FNDC3B: variants seen among roughly 807,000 people sequenced by gnomAD.
FNDC3B encodes the protein fibronectin type III domain containing 3B.
Under a neutral mutation model 151.5 loss-of-function variants are expected in FNDC3B, and 12 were observed. That is an observed-to-expected ratio of 0.08 (90% confidence interval 0.05 to 0.13). The LOEUF is 0.13. Ranked by LOEUF, FNDC3B falls within the 10% of genes least tolerant of loss-of-function variation. The pLI, the probability that FNDC3B is intolerant of heterozygous loss-of-function variation, is 1.00. For missense variants in FNDC3B, 1,214 were observed against 1,505.3 expected (o/e 0.81, Z 3.20); for synonymous variants, 528 against 549.0 (o/e 0.96, Z 0.54).
At chr3:172,307,597 G>A (rs1276286543) in intron 10 of FNDC3B, 96 bp downstream of exon 10, 2 of 1,270,206 alleles carry the variant, frequency 1.6e-6, no homozygotes, top group African/African-American at 1.5e-5. Context: ...GGAGGCTGAG[G>A]AGGGGGGATC....
At chr3:172,176,450 T>G (rs1723598078) in intron 3 of FNDC3B, among the ~76,000 whole-genome samples, 1 of 152,248 alleles carries the variant, frequency 6.6e-6, no homozygotes, top group African/African-American at 2.4e-5. Context: ...ATTCATAAAG[T>G]ATTTTTGTTA....
At chr3:172,221,210 C>T (rs1365514188) in intron 3 of FNDC3B, among the ~76,000 whole-genome samples, 2 of 151,984 alleles carry the variant, frequency 1.3e-5, no homozygotes, top group Admixed American at 6.6e-5. Context: ...ATTTTCTATA[C>T]GTTGGGATAT....
intron 1 of FNDC3B, among the ~76,000 whole-genome samples, chr3:172,049,345 T>C (rs561720254): frequency 1.3e-5 from 2 of 152,214 alleles, no homozygotes; most frequent in African/African-American, 4.8e-5. Flanking sequence ...TGTTTAAAAG[T>C]AGATCTCTGG....
At chr3:172,335,170 CA>C in intron 15 of FNDC3B, 88 bp downstream of exon 15, 16 of 1,369,084 alleles carry the variant, frequency 1.2e-5, no homozygotes, top group South Asian at 3.3e-5. Context: ...AGTGACAAGC[CA>C]AAAAAATTGT....
chr3:172,159,849 C>CT, intron 3 of FNDC3B, among the ~76,000 whole-genome samples: 1 of 152,206 alleles, frequency 6.6e-6, no homozygotes, highest in Non-Finnish European at 1.5e-5. Flanking sequence ...GTACTGAAGC[C>CT]TTATATATGT....
At chr3:172,213,703 C>T (rs1023672777) in intron 3 of FNDC3B, among the ~76,000 whole-genome samples, 4 of 152,178 alleles carry the variant, frequency 2.6e-5, no homozygotes, top group Admixed American at 6.5e-5. Flanking sequence ...TATCCTAATA[C>T]GGCCTCGGTT....
intron 1 of FNDC3B, among the ~76,000 whole-genome samples, chr3:172,043,338 A>G (rs1236709063): frequency 1.3e-5 from 2 of 151,676 alleles, no homozygotes; most frequent in African/African-American, 2.4e-5. Flanking sequence ...TAGCTTGGTC[A>G]TATTGCTCTT....
At chr3:172,353,281 C>T (rs113768309) in intron 22 of FNDC3B, among the ~76,000 whole-genome samples, 198 bp downstream of exon 22, 6 of 152,240 alleles carry the variant, frequency 3.9e-5, no homozygotes, top group African/African-American at 1.2e-4. Flanking sequence ...ACTCACTGGA[C>T]GGTTTTGTGT....
chr3:172,260,016 T>C (rs924987411), intron 6 of FNDC3B, among the ~76,000 whole-genome samples: 1 of 152,242 alleles, frequency 6.6e-6, no homozygotes, highest in Non-Finnish European at 1.5e-5. Context: ...TTTTACCATA[T>C]GTAGTACTGA....
At chr3:172,307,212 A>T in intron 9 of FNDC3B, 151 bp from the exon 10 acceptor site, 1 of 747,908 alleles carries the variant, frequency 1.3e-6, no homozygotes, top group South Asian at 1.8e-5. Flanking sequence ...ACCATAGGTC[A>T]GGACAAGACC....
chr3:172,315,872 A>G (rs1290955386), intron 11 of FNDC3B, among the ~76,000 whole-genome samples: 1 of 151,910 alleles, frequency 6.6e-6, no homozygotes, highest in Non-Finnish European at 1.5e-5. Context: ...GAAGGCGGAC[A>G]CCATGCTTGA....
chr3:172,181,395 C>CAAAAAAAAAAAAAAAAAAA (rs755223783), intron 3 of FNDC3B, among the ~76,000 whole-genome samples: 3 of 71,532 alleles, frequency 4.2e-5, no homozygotes, highest in African/African-American at 1.9e-4. Context: ...ACTCTGTCTC[C>CAAAAAAAAAAAAAAAAAAA]AAAAAAAAAA....
chr3:172,219,457 A>T (rs980270152), intron 3 of FNDC3B, among the ~76,000 whole-genome samples: 1 of 152,274 alleles, frequency 6.6e-6, no homozygotes, highest in East Asian at 1.9e-4. Flanking sequence ...TAATTTTTCA[A>T]TTCTTTTTTT....
intron 2 of FNDC3B, among the ~76,000 whole-genome samples, chr3:172,126,165 C>T (rs938594636): frequency 1.3e-5 from 2 of 151,954 alleles, no homozygotes; most frequent in East Asian, 3.9e-4. Flanking sequence ...TTCAACTTGG[C>T]TCATTATACT....
chr3:172,179,856 TCCAAAAAAA>T, intron 3 of FNDC3B, among the ~76,000 whole-genome samples: 1 of 61,036 alleles, frequency 1.6e-5, no homozygotes, highest in African/African-American at 8.4e-5. Context: ...AGGCCCTGTC[TCCAAAAAAA>T]AAAAAAAAAA....
At chr3:172,220,836 G>T (rs953763961) in intron 3 of FNDC3B, among the ~76,000 whole-genome samples, 3 of 152,142 alleles carry the variant, frequency 2.0e-5, no homozygotes, top group Non-Finnish European at 4.4e-5. Context: ...GCTCATGCCT[G>T]TAATCCCAGT....
At chr3:172,354,547 G>C (rs887934869) in intron 22 of FNDC3B, among the ~76,000 whole-genome samples, 3 of 151,472 alleles carry the variant, frequency 2.0e-5, no homozygotes, top group African/African-American at 7.3e-5. Context: ...CTGGTTTATA[G>C]CTTTAGGAAT....
At chr3:172,308,463 G>A (rs941894404) in intron 10 of FNDC3B, among the ~76,000 whole-genome samples, 1 of 152,222 alleles carries the variant, frequency 6.6e-6, no homozygotes, top group African/African-American at 2.4e-5. Flanking sequence ...AGTAATGTGT[G>A]AAAGAAAGAA....
intron 25 of FNDC3B, among the ~76,000 whole-genome samples, chr3:172,392,423 A>G (rs1736055647): frequency 6.6e-6 from 1 of 152,224 alleles, no homozygotes; most frequent in African/African-American, 2.4e-5. Flanking sequence ...ATATAATAAG[A>G]TGCTTGAAGT....
Sources: allele counts gnomAD v4.1 joint callset (sites outside exome capture counted in the v4.1 genomes callset), GRCh38; gene constraint gnomAD v4.1.1; transcripts MANE v1.5; gene names NCBI Gene and HGNC (gene_info 2026-07-23, HGNC 2026-07-21).